ZNF713: variants seen among roughly 807,000 people sequenced by gnomAD.
The protein encoded by ZNF713 is zinc finger protein 713.
A neutral mutation model predicts 28.7 loss-of-function variants in ZNF713; 21 were observed. That is an observed-to-expected ratio of 0.73 (90% CI 0.52 to 1.05). The LOEUF (loss-of-function observed/expected upper bound fraction) is 1.05. ZNF713 is among the 50% of genes least tolerant of loss of function. The pLI is 0.00. For synonymous variants in ZNF713, 167 were observed against 178.0 expected (o/e 0.94, Z 0.49); for missense variants, 458 against 532.4 (o/e 0.86, Z 1.37).
In ZNF713 at chr7:55,939,699, A is replaced by G. The variant is rs1450779208; in HGVS notation, c.1025A>G (p.Tyr342Cys). 1 of 1,614,168 alleles carries G rather than the reference A, an allele frequency of 6.2e-7. No homozygotes were observed. The highest frequency in any genetic ancestry group is 8.5e-7 in the Non-Finnish European group (1 of 1,180,024). The change falls in exon 7 of 7, where the codon TAT becomes TGT. Residue 342 changes from tyrosine (Y) to cysteine (C), a missense_variant. By Grantham distance (194) the Tyr-to-Cys change is radical. Transcript: ENST00000429591. ...HLRIHTGEKP[Y>C]KCNQCGKAFS... ...AGGATTCATACTGGAGAAAAGCCCT[A>G]TAAATGTAATCAATGTGGTAAAGCT... is the stretch of plus-strand genomic sequence containing the variant.
chr7:55,895,525 A>G (rs1405163351), intron 1 of ZNF713, among the ~76,000 whole-genome samples: 5 of 131,210 alleles, frequency 3.8e-5, no homozygotes, highest in African/African-American at 1.1e-4. Context: ...CTGGAGTGCA[A>G]TGGCATGATC....
intron 1 of ZNF713, among the ~76,000 whole-genome samples, chr7:55,895,696 G>A (rs973226020): frequency 6.6e-6 from 1 of 151,858 alleles, no homozygotes; most frequent in South Asian, 2.1e-4. Context: ...TCGAACTCCC[G>A]ACCTCAGGCA....
chr7:55,932,040 G>C (rs1425542099), intron 6 of ZNF713, among the ~76,000 whole-genome samples: 1 of 152,164 alleles, frequency 6.6e-6, no homozygotes, highest in Non-Finnish European at 1.5e-5. Flanking sequence ...TGAAAAGAAA[G>C]TGTTCCAGTT....
intron 1 of ZNF713, among the ~76,000 whole-genome samples, 159 bp downstream of exon 1, chr7:55,887,839 G>C (rs1584290146): frequency 6.4e-5 from 1 of 15,512 alleles, no homozygotes; most frequent in African/African-American, 1.6e-4. Flanking sequence ...GGCGGGCGGC[G>C]GGCGGCGGCG....
chr7:55,892,708 A>G (rs1404148793), intron 1 of ZNF713, among the ~76,000 whole-genome samples: 1 of 151,744 alleles, frequency 6.6e-6, no homozygotes, highest in East Asian at 2.0e-4. Context: ...CCCCGTCTCT[A>G]CTGAAGATAC....
Position 55,887,790 on chromosome 7 carries a change from G to A in ZNF713, c.-583+110G>A, listed in dbSNP as rs1262713346. 5 of 2,050 alleles carry A rather than the reference G, an allele frequency of 2.4e-3. 2 individuals carry two copies. The highest frequency in any genetic ancestry group is 5.2e-3 in the Non-Finnish European group (5 of 962). The allele number at this position is 2,050 out of a possible 1,614,324, so 0.1% of individuals were successfully genotyped here. ...GGGCGGAGGCGGGGGGCGGAGGCGG[G>A]GGGCGGAGGCGGGGGGCGGCGGGCG... On this transcript the variant is annotated intron_variant, in intron 1 of 6. Transcript: ENST00000429591.
intron 6 of ZNF713, among the ~76,000 whole-genome samples, chr7:55,932,960 G>A (rs1437373835): frequency 1.3e-5 from 2 of 150,610 alleles, no homozygotes; most frequent in African/African-American, 4.9e-5. Flanking sequence ...GGTACTGACT[G>A]GGTGCGGTGG....
At chr7:55,936,475 T>C (rs1786349382) in intron 6 of ZNF713, among the ~76,000 whole-genome samples, 1 of 152,084 alleles carries the variant, frequency 6.6e-6, no homozygotes, top group Non-Finnish European at 1.5e-5. Context: ...CCTTTTACCA[T>C]CAAGTGTCCC....
chr7:55,906,757 C>T (rs545526341), intron 2 of ZNF713, among the ~76,000 whole-genome samples: 3 of 152,156 alleles, frequency 2.0e-5, no homozygotes, highest in Admixed American at 6.6e-5. Context: ...ACTTATGGGG[C>T]GTCCTCTCGT....
chr7:55,939,825 A>G lies in ZNF713; in HGVS notation c.1151A>G (p.His384Arg). 6.2e-7 allele frequency: 1 copy of G among 1,614,190 alleles called. No individual in the cohort carries two copies. Among genetic ancestry groups the G allele is most frequent in the Non-Finnish European group, 8.5e-7 (1 of 1,180,024 alleles). ...FCGKAFSQRT[H>R]LNQHERTHTG... ...GGCAAAGCCTTCAGTCAGAGGACAC[A>G]TCTGAATCAACATGAAAGAACTCAT... The change falls in exon 7 of 7, where the codon CAT becomes CGT. Residue 384 changes from histidine (H) to arginine (R), a missense_variant. His to Arg is a conservative substitution (Grantham distance 29). Transcript: ENST00000429591.
chr7:55,923,379 T>A, intron 5 of ZNF713, 91 bp downstream of exon 5: 1 of 1,499,970 alleles, frequency 6.7e-7, no homozygotes, highest in Non-Finnish European at 9.0e-7. Context: ...GTGAATATAG[T>A]TTGGGCTGGG....
At chr7:55,906,696 T>G (rs535530211) in intron 2 of ZNF713, among the ~76,000 whole-genome samples, 2 of 152,242 alleles carry the variant, frequency 1.3e-5, no homozygotes, top group South Asian at 4.1e-4. Flanking sequence ...TTTTGGGAAT[T>G]GGGGCTTGGT....
intron 1 of ZNF713, among the ~76,000 whole-genome samples, chr7:55,905,026 A>T (rs1785654410): frequency 6.6e-6 from 1 of 151,932 alleles, no homozygotes; most frequent in Non-Finnish European, 1.5e-5. Context: ...TGCCCAGCCT[A>T]ATTTCTTTCC....
At chr7:55,888,047 C>T (rs1200911471) in intron 1 of ZNF713, among the ~76,000 whole-genome samples, 1 of 152,038 alleles carries the variant, frequency 6.6e-6, no homozygotes, top group Non-Finnish European at 1.5e-5. Flanking sequence ...CTTCTACTAT[C>T]TGGGAATGAC....
intron 6 of ZNF713, among the ~76,000 whole-genome samples, chr7:55,930,875 C>G (rs1172692540): frequency 2.0e-5 from 3 of 152,158 alleles, no homozygotes; most frequent in Admixed American, 2.0e-4. Context: ...CTATCTGGCC[C>G]TTTACAGAAA....
chr7:55,897,778 G>A (rs530820538), intron 1 of ZNF713, among the ~76,000 whole-genome samples: 23 of 152,106 alleles, frequency 1.5e-4, no homozygotes, highest in East Asian at 3.9e-4. Flanking sequence ...TATTGACATC[G>A]TGAACATATT....
intron 1 of ZNF713, among the ~76,000 whole-genome samples, chr7:55,900,229 G>T (rs1438043878): frequency 6.6e-6 from 1 of 152,116 alleles, no homozygotes; most frequent in East Asian, 1.9e-4. Flanking sequence ...GCACTTTCTG[G>T]GAGGCCGAGG....
chr7:55,895,575 T>G (rs2116170311), intron 1 of ZNF713, among the ~76,000 whole-genome samples: 1 of 148,572 alleles, frequency 6.7e-6, no homozygotes, highest in Middle Eastern at 3.5e-3. Flanking sequence ...TTCAAGCGAT[T>G]CTCCTGCCTC....
In ZNF713 at chr7:55,911,943, G is replaced by T. The variant is rs771255861; in HGVS notation, c.-128G>T. On this transcript the variant is annotated 5_prime_UTR_variant, in exon 3 of 7. Transcript: ENST00000429591. ...AAGAGCAGCCCCAGCTCCTTAAGCT[G>T]CTGGTCCTGGTGCATCTGCTGACTT... 1 of 152,238 alleles carries T rather than the reference G, an allele frequency of 6.6e-6. No individual in the cohort carries two copies. Among genetic ancestry groups the T allele is most frequent in the Non-Finnish European group, 1.5e-5 (1 of 68,074 alleles). The allele number at this position is 152,238 out of a possible 1,614,324, so 9.4% of individuals were successfully genotyped here.
Sources: allele counts gnomAD v4.1 joint callset (sites outside exome capture counted in the v4.1 genomes callset), GRCh38; gene constraint gnomAD v4.1.1; transcripts MANE v1.5; gene names NCBI Gene and HGNC (gene_info 2026-07-23, HGNC 2026-07-21).